Variants in PCYOX1 observed in about 807,000 individuals in gnomAD.
PCYOX1 encodes the protein prenylcysteine oxidase 1.
PCYOX1 carries 46 observed loss-of-function variants against 46.4 expected under a neutral mutation model. That is an observed-to-expected ratio of 0.99 (90% CI 0.78 to 1.27). PCYOX1 has a LOEUF of 1.27. Among genes scored for constraint, PCYOX1 ranks in the 50% most tolerant of loss-of-function variants. The pLI is 0.00. For missense variants in PCYOX1, 658 were observed against 628.3 expected (o/e 1.05, Z -0.51); for synonymous variants, 220 against 231.8 (o/e 0.95, Z 0.46).
Position 70,259,343 on chromosome 2 carries a change from GT to G in PCYOX1, c.113-10del, listed in dbSNP as rs3214762. 3.7e-6 allele frequency: 6 copies of G among 1,605,520 alleles called. No individual in the cohort carries two copies. The highest frequency in any genetic ancestry group is 1.7e-5 in the Admixed American group (1 of 59,908). On this transcript the variant is annotated splice_polypyrimidine_tract_variant and intron_variant, in intron 1 of 5. Coordinates refer to ENST00000433351, the MANE Select transcript of PCYOX1 (RefSeq NM_016297.4). ...GTAAAAGGGGAAAATATAATCTTCT[GT>G]TTTTTTCCCTCATAGCGATTATTGG...
In PCYOX1 at chr2:70,276,752, ATGAAG is replaced by A; in HGVS notation, c.881_885del (p.Glu294GlyfsTer7). The A allele has an allele frequency of 6.3e-7, 1 of 1,595,478 alleles. No homozygotes were observed. The highest frequency in any genetic ancestry group is 2.2e-5 in the East Asian group (1 of 44,744). ...CCTCTAGGAAATCCAACAAAGATGTATGAAGTGGTCTACCAAATTGGAACTGAGAC... is the reference window on the plus strand; with the variant it reads ...CCTCTAGGAAATCCAACAAAGATGTATGGTCTACCAAATTGGAACTGAGAC... On this transcript the variant is annotated frameshift_variant, in exon 6 of 6. Transcript: ENST00000433351. LOFTEE classifies it high-confidence loss of function.
chr2:70,270,990 G>A (rs1696593424), intron 3 of PCYOX1, among the ~76,000 whole-genome samples: 1 of 152,188 alleles, frequency 6.6e-6, no homozygotes, highest in Non-Finnish European at 1.5e-5. Context: ...GCCTCCCAAA[G>A]TGCTGGGATT....
At position 70,276,941 on chromosome 2, in the gene PCYOX1, T is replaced by C; in HGVS notation, c.1067T>C (p.Ile356Thr). Residue 356 changes from isoleucine (I) to threonine (T), a missense_variant, in exon 6 of 6, where the codon ATC becomes ACC. Physicochemically the swap from Ile to Thr is moderately conservative, Grantham distance 89 (BLOSUM62 -1). Transcript: ENST00000433351. ...GTTAAGGGGGAATTGAATACATCTATCTTTAGCTCTAGACCCATAGATAAA... is the reference window on the plus strand; with the variant it reads ...GTTAAGGGGGAATTGAATACATCTACCTTTAGCTCTAGACCCATAGATAAA... ...TLVKGELNTS[I>T]FSSRPIDKFG... 1 of 1,612,194 alleles carries C rather than the reference T, an allele frequency of 6.2e-7. No individual in the cohort carries two copies. The highest frequency in any genetic ancestry group is 8.5e-7 in the Non-Finnish European group (1 of 1,178,214).
intron 3 of PCYOX1, among the ~76,000 whole-genome samples, chr2:70,271,284 A>C (rs1397255701): frequency 1.3e-5 from 2 of 150,038 alleles, no homozygotes; most frequent in African/African-American, 4.9e-5. Flanking sequence ...ACTGAAGAAA[A>C]AACACAGCAG....
intron 1 of PCYOX1, among the ~76,000 whole-genome samples, chr2:70,258,724 C>T (rs1696385350): frequency 6.6e-6 from 1 of 152,190 alleles, no homozygotes; most frequent in Non-Finnish European, 1.5e-5. Context: ...GTTGACCCTG[C>T]CTGCTTCCCT....
chr2:70,273,180 G>A (rs568137355), intron 3 of PCYOX1, among the ~76,000 whole-genome samples: 1 of 152,214 alleles, frequency 6.6e-6, no homozygotes, highest in South Asian at 2.1e-4. Context: ...ATCATTAGTA[G>A]CTTATTTAAT....
At chr2:70,266,542 A>G (rs1696525910) in intron 3 of PCYOX1, among the ~76,000 whole-genome samples, 1 of 151,726 alleles carries the variant, frequency 6.6e-6, no homozygotes, top group Non-Finnish European at 1.5e-5. Context: ...ATAGGACAAT[A>G]GTGGAGGGAA....
intron 3 of PCYOX1, among the ~76,000 whole-genome samples, chr2:70,270,566 T>C (rs1696587789): frequency 6.6e-6 from 1 of 152,218 alleles, no homozygotes; most frequent in Non-Finnish European, 1.5e-5. Context: ...TTCTGTCATG[T>C]GACCTTTGCA....
chr2:70,258,037 C>A, upstream of PCYOX1: 3 of 651,416 alleles, frequency 4.6e-6, no homozygotes, highest in Non-Finnish European at 7.1e-6. Context: ...CGGGGCGGGG[C>A]TCGCAGGACC....
At chr2:70,267,194 C>T (rs866150503) in intron 3 of PCYOX1, among the ~76,000 whole-genome samples, 60 of 150,708 alleles carry the variant, frequency 4.0e-4, no homozygotes, top group Non-Finnish European at 7.5e-4. Context: ...TCAGACGGGG[C>T]GGCGGGGCAG....
Position 70,278,312 on chromosome 2 carries a change from T to C in PCYOX1, c.*920T>C, listed in dbSNP as rs756198810. The C allele has an allele frequency of 2.0e-5, 3 of 152,614 alleles. No individual in the cohort carries two copies. The highest frequency in any genetic ancestry group is 2.9e-5 in the Non-Finnish European group (2 of 68,044). 9.5% of individuals were successfully genotyped at this position (152,614 alleles called of 1,614,324 possible). The stretch of plus-strand genomic sequence containing the variant: ...CTTAGCATTGTAGCTATTTAAAGTT[T>C]CTAATGTGCACCCAGGGTTGGGAAT... On this transcript the variant is annotated 3_prime_UTR_variant, in exon 6 of 6. Transcript: ENST00000433351.
chr2:70,263,183 ACGAT>A (rs935063461), intron 3 of PCYOX1, among the ~76,000 whole-genome samples: 2 of 151,832 alleles, frequency 1.3e-5, no homozygotes, highest in African/African-American at 4.8e-5. Context: ...GCAGTGAGCC[ACGAT>A]CGTGCCATTA....
intron 2 of PCYOX1, among the ~76,000 whole-genome samples, chr2:70,260,293 C>G (rs554022289): frequency 6.6e-6 from 1 of 152,122 alleles, no homozygotes; most frequent in Non-Finnish European, 1.5e-5. Flanking sequence ...GCCTGTAATC[C>G]CAGCACTTTG....
chr2:70,277,067 C>A lies in PCYOX1; in HGVS notation c.1193C>A (p.Ser398Ter), dbSNP rs756726852. The A allele has an allele frequency of 6.2e-7, 1 of 1,612,952 alleles. No homozygotes were observed. Among genetic ancestry groups the A allele is most frequent in the South Asian group, 1.1e-5 (1 of 91,064 alleles). Residue 398 changes from serine (S) to a stop codon, truncating the protein, a stop_gained, in exon 6 of 6, where the codon TCA becomes TAA. Coordinates refer to ENST00000433351, the MANE Select transcript of PCYOX1 (RefSeq NM_016297.4). LOFTEE classifies it high-confidence loss of function. ...SVREKEDPEP[S>*]TDGTYVWKIF... Reference sequence around the variant, plus strand: ...AGAGAAAAGGAAGATCCTGAGCCATCAACAGATGGAACATATGTTTGGAAG... The same window carrying A: ...AGAGAAAAGGAAGATCCTGAGCCATAAACAGATGGAACATATGTTTGGAAG...
intron 3 of PCYOX1, among the ~76,000 whole-genome samples, chr2:70,270,611 G>C (rs1696588603): frequency 6.6e-6 from 1 of 152,174 alleles, no homozygotes; most frequent in Admixed American, 6.5e-5. Context: ...TTTTCCCCCA[G>C]GTGTTTGCCT....
chr2:70,265,635 G>A (rs868572772), intron 3 of PCYOX1, among the ~76,000 whole-genome samples: 1 of 152,090 alleles, frequency 6.6e-6, no homozygotes. Context: ...TCTATGCTAC[G>A]CACAGTAACT....
chr2:70,258,609 C>A (rs1007873155), intron 1 of PCYOX1: 1 of 245,914 alleles, frequency 4.1e-6, no homozygotes, highest in African/African-American at 2.3e-5. Context: ...CTCTATCTTC[C>A]CGTTGAACAC....
chr2:70,275,403 T>C, intron 4 of PCYOX1, 111 bp from the exon 5 acceptor site: 3 of 1,171,294 alleles, frequency 2.6e-6, no homozygotes, highest in Non-Finnish European at 3.7e-6. Flanking sequence ...AGGGGCCATT[T>C]AGCAATGTCT....
chr2:70,267,475 G>A (rs1200290334), intron 3 of PCYOX1, among the ~76,000 whole-genome samples: 1 of 152,066 alleles, frequency 6.6e-6, no homozygotes, highest in Non-Finnish European at 1.5e-5. Flanking sequence ...CCGAGATCAC[G>A]CCACTGCACT....
Sources: gnomAD v4.1 joint callset for allele counts (sites outside exome capture counted in the v4.1 genomes callset) on GRCh38, gnomAD v4.1.1 for gene constraint, MANE v1.5 for transcripts, NCBI Gene and HGNC (gene_info 2026-07-23, HGNC 2026-07-21) for gene names.